NSD1: variants seen among roughly 807,000 people sequenced by gnomAD.
NSD1 encodes the protein nuclear receptor binding SET domain protein 1.
NSD1 carries 26 observed loss-of-function variants against 242.7 expected under a neutral mutation model. The observed-to-expected ratio is 0.11, with a 90% CI of 0.08 to 0.15. NSD1 has a LOEUF of 0.15. Among genes scored for constraint, NSD1 ranks in the 10% least tolerant of loss-of-function variants. The pLI, the probability that NSD1 is intolerant of heterozygous loss-of-function variation, is 1.00. For missense variants in NSD1, 2,495 were observed against 3,272.8 expected (o/e 0.76, Z 5.80); for synonymous variants, 1,106 against 1,178.1 (o/e 0.94, Z 1.25).
intron 5 of NSD1, among the ~76,000 whole-genome samples, chr5:177,231,420 T>C (rs1374860427): frequency 1.3e-5 from 2 of 152,202 alleles, no homozygotes; most frequent in African/African-American, 4.8e-5. Flanking sequence ...ATGTATACTT[T>C]AATATTTTGA....
At position 177,246,717 on chromosome 5, in the gene NSD1, G is replaced by A. The variant is rs754590923; in HGVS notation, c.4418G>A (p.Arg1473Gln). Residue 1473 changes from arginine (R) to glutamine (Q), a missense_variant, in exon 10 of 23, where the codon CGA becomes CAA. Around this residue, in one of 19 missense-constraint regions of NSD1, gnomAD observed 97 missense variants for 97.7 expected, o/e 0.99. Transcript: ENST00000439151. ...KIFDKPRKRK[R>Q]QRHAAAKMQC... is the part of the protein sequence containing the mutation. ...TTTGACAAGCCAAGGAAGCGAAAACGACAGAGGCATGCTGCAGCCAAGATG... is the reference window on the plus strand; with the variant it reads ...TTTGACAAGCCAAGGAAGCGAAAACAACAGAGGCATGCTGCAGCCAAGATG... The A allele has an allele frequency of 1.2e-5, 19 of 1,613,924 alleles. No homozygotes were observed. The highest frequency in any genetic ancestry group is 1.4e-5 in the Non-Finnish European group (17 of 1,179,988).
intron 2 of NSD1, among the ~76,000 whole-genome samples, chr5:177,173,291 CAAAAAA>C (rs60043429): frequency 2.1e-5 from 2 of 97,040 alleles, no homozygotes; most frequent in African/African-American, 4.0e-5. Flanking sequence ...GACTCTGTCT[CAAAAAA>C]AAAAAAAAAA....
intron 2 of NSD1, among the ~76,000 whole-genome samples, chr5:177,163,592 T>C (rs1164851969): frequency 3.3e-5 from 5 of 152,180 alleles, no homozygotes; most frequent in African/African-American, 2.4e-5. Context: ...ATAAGGTGTT[T>C]TGAAAATTAA....
intron 11 of NSD1, 59 bp from the exon 12 acceptor site, chr5:177,251,671 G>A (rs1407934623): frequency 6.3e-7 from 1 of 1,589,752 alleles, no homozygotes; most frequent in Non-Finnish European, 8.6e-7. Flanking sequence ...ACTGACACTG[G>A]TTTTACTCTT....
intron 2 of NSD1, chr5:177,137,281 C>T (rs987431252): frequency 3.2e-5 from 6 of 186,322 alleles, no homozygotes; most frequent in Middle Eastern, 4.0e-3. Context: ...TGGTCACCGC[C>T]GGTAATGTTA....
chr5:177,181,706 G>T (rs527792857), intron 2 of NSD1, among the ~76,000 whole-genome samples: 1 of 151,656 alleles, frequency 6.6e-6, no homozygotes, highest in African/African-American at 2.4e-5. Context: ...GATTACAGGT[G>T]TGAGCCACTG....
chr5:177,287,261 T>C (rs1249442895), intron 20 of NSD1, among the ~76,000 whole-genome samples: 1 of 152,276 alleles, frequency 6.6e-6, no homozygotes, highest in East Asian at 1.9e-4. Context: ...TGCTTTCTTT[T>C]ATTTGTGTAT....
chr5:177,297,447 A>G lies in NSD1; in HGVS notation c.*1988A>G, dbSNP rs991686485. 4.8e-5 allele frequency: 11 copies of G among 230,008 alleles called. No homozygotes were observed. Among genetic ancestry groups the G allele is most frequent in the Non-Finnish European group, 9.5e-5 (11 of 116,078 alleles). 14.2% of individuals were successfully genotyped at this position (230,008 alleles called of 1,614,324 possible). A position where few individuals can be genotyped will look rare whatever the true frequency, so the allele number is the denominator to read the frequency against. On this transcript the variant is annotated 3_prime_UTR_variant, in exon 23 of 23. Coordinates refer to ENST00000439151, the MANE Select transcript of NSD1 (RefSeq NM_022455.5). ...AGTATTTATCATGTGTGAGAATAAT[A>G]AATATATAACTGCAGCTAGTAGGTC...
rs530320295 is a variant in NSD1 at position 177,298,909 on chromosome 5, G to C, written c.*3450G>C. On this transcript the variant is annotated 3_prime_UTR_variant, in exon 23 of 23. Coordinates refer to ENST00000439151, the MANE Select transcript of NSD1 (RefSeq NM_022455.5). ...TTAAATGATACTGTCATCCTCTTGG[G>C]GTTTATCAGCCAGGTTAGAGGAGCC... 1.3e-5 allele frequency: 3 copies of C among 233,104 alleles called. No individual in the cohort carries two copies. The highest frequency in any genetic ancestry group is 6.6e-5 in the African/African-American group (3 of 45,442). The allele number at this position is 233,104 out of a possible 1,614,324, so 14.4% of individuals were successfully genotyped here. A position where few individuals can be genotyped will look rare whatever the true frequency, so the allele number is the denominator to read the frequency against.
At chr5:177,179,917 A>AT (rs945153399) in intron 2 of NSD1, among the ~76,000 whole-genome samples, 8 of 151,658 alleles carry the variant, frequency 5.3e-5, no homozygotes, top group South Asian at 2.1e-4. Flanking sequence ...TTTATTTTTT[A>AT]TTTTTTTGAG....
intron 3 of NSD1, among the ~76,000 whole-genome samples, chr5:177,199,614 T>TTTTCTTTTC (rs761132790): frequency 1.3e-3 from 200 of 148,974 alleles, no homozygotes; most frequent in African/African-American, 2.5e-3. Context: ...CTTTTCTTTT[T>TTTTCTTTTC]TTTTGAGATG....
intron 2 of NSD1, among the ~76,000 whole-genome samples, chr5:177,160,550 TCCTC>T (rs1758667456): frequency 6.6e-6 from 1 of 151,764 alleles, no homozygotes; most frequent in Non-Finnish European, 1.5e-5. Flanking sequence ...TGACCTGCCT[TCCTC>T]AGCCTCCCAA....
intron 17 of NSD1, 55 bp downstream of exon 17, chr5:177,273,839 C>A: frequency 1.3e-5 from 15 of 1,118,446 alleles, no homozygotes; most frequent in Non-Finnish European, 1.9e-5. Context: ...ATAGCTGGCT[C>A]TTCCCACTCT....
chr5:177,279,424 G>A (rs997202756), intron 17 of NSD1, among the ~76,000 whole-genome samples: 8 of 151,810 alleles, frequency 5.3e-5, no homozygotes, highest in Non-Finnish European at 1.0e-4. Flanking sequence ...CTAGAACCCA[G>A]GAGGCAGAGG....
At chr5:177,165,405 G>A (rs956503020) in intron 2 of NSD1, among the ~76,000 whole-genome samples, 1 of 152,158 alleles carries the variant, frequency 6.6e-6, no homozygotes, top group African/African-American at 2.4e-5. Context: ...CTGAGCTCAA[G>A]TGATCTGCCT....
chr5:177,276,914 C>T (rs1237219646), intron 17 of NSD1, among the ~76,000 whole-genome samples: 2 of 152,178 alleles, frequency 1.3e-5, no homozygotes, highest in African/African-American at 4.8e-5. Context: ...ATAATTGGAT[C>T]TAAATGAGTC....
intron 2 of NSD1, among the ~76,000 whole-genome samples, chr5:177,148,178 C>T (rs113314055): frequency 4.0e-5 from 6 of 151,702 alleles, no homozygotes; most frequent in Middle Eastern, 3.4e-3. Flanking sequence ...AGTGCAATTG[C>T]GCGATCTTGG....
rs1243717852 is a variant in NSD1 at position 177,185,811 on chromosome 5, T to A, written c.928-6073T>A. Among the ~76,000 whole-genome samples the A allele has an allele frequency of 2.5e-3, 188 of 74,028 alleles. 2 individuals are homozygous for A. The highest frequency in any genetic ancestry group is 5.9e-3 in the Middle Eastern group (1 of 170). The allele number at this position is 74,028 out of a possible 152,430, so 48.6% of individuals were successfully genotyped here. A position where few individuals can be genotyped will look rare whatever the true frequency, so the allele number is the denominator to read the frequency against. On this transcript the variant is annotated intron_variant, in intron 2 of 22. Coordinates refer to ENST00000439151, the MANE Select transcript of NSD1 (RefSeq NM_022455.5). ...ATATTATATATATATATATATAAAT[T>A]TATATATATAATATATAAGTTTTAT...
intron 16 of NSD1, among the ~76,000 whole-genome samples, chr5:177,271,331 AATAGTTAGCATTTTTGTTTGCCAG>A (rs1336774552): frequency 6.6e-6 from 1 of 152,180 alleles, no homozygotes; most frequent in Non-Finnish European, 1.5e-5. Context: ...TCATAATAAT[AATAGTTAGCATTTTTGTTTGCCAG>A]ACCCTGTTCT....
Sources: gnomAD v4.1 joint callset for allele counts (sites outside exome capture counted in the v4.1 genomes callset) on GRCh38, gnomAD v4.1.1 for gene constraint, gnomAD v4.1.1 regional missense constraint, MANE v1.5 for transcripts, NCBI Gene and HGNC (gene_info 2026-07-23, HGNC 2026-07-21) for gene names.